PIP4K2A: variants seen among roughly 807,000 people sequenced by gnomAD.
The protein encoded by PIP4K2A is phosphatidylinositol 5-phosphate 4-kinase type-2 alpha.
Under a neutral mutation model 42.9 loss-of-function variants are expected in PIP4K2A, and 14 were observed. The observed-to-expected ratio is 0.33, with a 90% confidence interval of 0.22 to 0.51. The LOEUF is 0.51. PIP4K2A is among the 20% of genes least tolerant of loss of function. PIP4K2A has a pLI of 0.97. For missense variants in PIP4K2A, 434 were observed against 519.8 expected, an observed-to-expected ratio of 0.83 and a Z score of 1.61; for synonymous variants, 192 against 192.2, an observed-to-expected ratio of 1.00 and a Z score of 0.01.
intron 6 of PIP4K2A, among the ~76,000 whole-genome samples, chr10:22,554,583 T>C (rs1314051234): frequency 6.6e-6 from 1 of 152,218 alleles, no homozygotes; most frequent in Non-Finnish European, 1.5e-5. Context: ...TAAAGACAGC[T>C]CAGAAATGCT....
chr10:22,592,194 T>C (rs1837527798), intron 3 of PIP4K2A, among the ~76,000 whole-genome samples: 1 of 152,230 alleles, frequency 6.6e-6, no homozygotes, highest in Non-Finnish European at 1.5e-5. Flanking sequence ...TTGCACAGAT[T>C]ATTTCCCCCA....
intron 6 of PIP4K2A, among the ~76,000 whole-genome samples, chr10:22,554,918 C>T (rs1360008400): frequency 1.3e-5 from 2 of 152,188 alleles, no homozygotes; most frequent in African/African-American, 4.8e-5. Flanking sequence ...TACAGCCCAA[C>T]GCAGAGCCAG....
chr10:22,612,273 C>G (rs1838062906), intron 1 of PIP4K2A, among the ~76,000 whole-genome samples: 1 of 152,284 alleles, frequency 6.6e-6, no homozygotes, highest in Admixed American at 6.5e-5. Context: ...AGAACTGCCC[C>G]AAGTGTTGAA....
rs980720293 is a variant in PIP4K2A at position 22,591,121 on chromosome 10, G to A, written c.492+508C>T. 6.6e-5 allele frequency among the ~76,000 whole-genome samples: 10 copies of A among 152,200 alleles called. No homozygotes were observed. In the South Asian group the frequency reaches 1.7e-3, roughly 25 times the overall value. ...CAGTGATTACAATGGAATTATGCTCGGGGATGAAAAGGGGGCAAGAAGCAG... is the reference window on the plus strand; with the variant it reads ...CAGTGATTACAATGGAATTATGCTCAGGGATGAAAAGGGGGCAAGAAGCAG... On this transcript the variant is annotated intron_variant, in intron 4 of 9. Coordinates refer to ENST00000376573, the MANE Select transcript of PIP4K2A (RefSeq NM_005028.5).
intron 1 of PIP4K2A, among the ~76,000 whole-genome samples, chr10:22,620,367 G>A (rs1479680246): frequency 6.6e-6 from 1 of 152,156 alleles, no homozygotes; most frequent in East Asian, 1.9e-4. Context: ...ATGAAAACAA[G>A]AGCTTACAAC....
rs1237748534 is a variant in PIP4K2A, at chr10:22,535,291, T to A, written c.*1910A>T. ...AAAACTGATCTGATGCCAGAATTAA[T>A]GGTGCAGGGAAAAACCAAATCATAG... On this transcript the variant is annotated 3_prime_UTR_variant, in exon 10 of 10. Transcript: ENST00000376573. 1 of 152,240 alleles carries A rather than the reference T, an allele frequency of 6.6e-6. No homozygotes were observed. The highest frequency in any genetic ancestry group is 1.5e-5 in the Non-Finnish European group (1 of 68,038). 9.4% of individuals were successfully genotyped at this position (152,240 alleles called of 1,614,324 possible).
chr10:22,684,478 A>G (rs1839722886), intron 1 of PIP4K2A, among the ~76,000 whole-genome samples: 1 of 152,164 alleles, frequency 6.6e-6, no homozygotes, highest in East Asian at 1.9e-4. Context: ...CGCTTGTTTC[A>G]TTATACTGTT....
At chr10:22,583,718 G>A (rs1362817140) in intron 4 of PIP4K2A, among the ~76,000 whole-genome samples, 1 of 152,230 alleles carries the variant, frequency 6.6e-6, no homozygotes, top group Non-Finnish European at 1.5e-5. Context: ...TTGCAGAGGT[G>A]AAGATGAAGC....
intron 1 of PIP4K2A, among the ~76,000 whole-genome samples, chr10:22,692,189 G>C (rs1463387793): frequency 6.6e-6 from 1 of 151,832 alleles, no homozygotes; most frequent in Non-Finnish European, 1.5e-5. Context: ...AGATCATCAG[G>C]TATTAGATTT....
At chr10:22,539,945 G>T in intron 9 of PIP4K2A, 26 bp downstream of exon 9, 1 of 1,257,720 alleles carries the variant, frequency 8.0e-7, no homozygotes, top group Non-Finnish European at 1.2e-6. Flanking sequence ...GAGAAAGAGA[G>T]AAGGAAACAA....
At chr10:22,638,058 T>TC (rs1185764622) in intron 1 of PIP4K2A, among the ~76,000 whole-genome samples, 4 of 152,042 alleles carry the variant, frequency 2.6e-5, no homozygotes, top group Non-Finnish European at 4.4e-5. Flanking sequence ...TCCTGAACAG[T>TC]CCCCCAGGAC....
chr10:22,587,897 G>T (rs764617396), intron 4 of PIP4K2A, among the ~76,000 whole-genome samples: 1 of 152,222 alleles, frequency 6.6e-6, no homozygotes, highest in Non-Finnish European at 1.5e-5. Context: ...CTTCCTTCAT[G>T]AACACCTGCC....
Position 22,642,098 on chromosome 10 carries a change from G to A in PIP4K2A, c.145-32381C>T, listed in dbSNP as rs191455650. 10 of 152,466 alleles carry A rather than the reference G, an allele frequency of 6.6e-5. No individual in the cohort carries two copies. In the East Asian group the frequency reaches 7.7e-4, roughly 12 times the overall value. 9.4% of individuals were successfully genotyped at this position (152,466 alleles called of 1,614,324 possible). A position where few individuals can be genotyped will look rare whatever the true frequency, so the allele number is the denominator to read the frequency against. ...CAGAGATGCGGATGGAAGCAGAGGT[G>A]AGAAACAGAGAGGTCCTGGCGGCAT... is the stretch of plus-strand genomic sequence containing the variant. On this transcript the variant is annotated intron_variant, in intron 1 of 9. Coordinates refer to ENST00000376573, the MANE Select transcript of PIP4K2A (RefSeq NM_005028.5).
At chr10:22,607,772 T>C in intron 3 of PIP4K2A, 155 bp downstream of exon 3, 3 of 540,550 alleles carry the variant, frequency 5.5e-6, no homozygotes. Flanking sequence ...AGAGAACACT[T>C]TACTTCAGCA....
At chr10:22,629,676 T>G (rs1588673957) in intron 1 of PIP4K2A, among the ~76,000 whole-genome samples, 1 of 152,318 alleles carries the variant, frequency 6.6e-6, no homozygotes, top group Non-Finnish European at 1.5e-5. Flanking sequence ...TTTTCCTAAC[T>G]TGTTGACTAA....
intron 7 of PIP4K2A, among the ~76,000 whole-genome samples, chr10:22,543,616 T>C (rs1242119645): frequency 6.6e-6 from 1 of 152,232 alleles, no homozygotes; most frequent in East Asian, 1.9e-4. Context: ...CACCTCTCTC[T>C]GCCAGATTCC....
intron 4 of PIP4K2A, among the ~76,000 whole-genome samples, chr10:22,586,577 C>T (rs775328287): frequency 1.3e-5 from 2 of 152,190 alleles, no homozygotes; most frequent in African/African-American, 2.4e-5. Flanking sequence ...GTTACCCAGG[C>T]TGGAGTGCAG....
chr10:22,587,960 C>T (rs1350237915), intron 4 of PIP4K2A, among the ~76,000 whole-genome samples: 1 of 152,144 alleles, frequency 6.6e-6, no homozygotes, highest in Non-Finnish European at 1.5e-5. Flanking sequence ...GGGGTCACCC[C>T]GAATAGATCA....
At chr10:22,554,038 G>A (rs568158768) in intron 6 of PIP4K2A, among the ~76,000 whole-genome samples, 2 of 152,082 alleles carry the variant, frequency 1.3e-5, no homozygotes, top group Admixed American at 6.5e-5. Context: ...CTATTTGGGA[G>A]GCTGAGGTAG....
Sources: gnomAD v4.1 joint callset for allele counts (sites outside exome capture counted in the v4.1 genomes callset) on GRCh38, gnomAD v4.1.1 for gene constraint, MANE v1.5 for transcripts, NCBI Gene and HGNC (gene_info 2026-07-23, HGNC 2026-07-21) for gene names.